Variants in TWF2 observed in about 807,000 individuals in gnomAD.
TWF2 encodes the protein twinfilin actin binding protein 2.
In TWF2, 15 loss-of-function variants were observed where a neutral mutation model predicts 45.1. The ratio of observed to expected loss-of-function variants is 0.33; its 90% CI spans 0.22 to 0.51. The LOEUF is 0.51. Ranked by LOEUF, TWF2 falls within the 20% of genes least tolerant of loss-of-function variation. TWF2 has a pLI of 0.97. For synonymous variants in TWF2, 177 were observed against 195.8 expected, an observed-to-expected ratio of 0.90 and a Z score of 0.80; for missense variants, 423 against 469.1, an observed-to-expected ratio of 0.90 and a Z score of 0.91.
intron 2 of TWF2, among the ~76,000 whole-genome samples, chr3:52,234,749 G>C (rs752644498): frequency 2.6e-4 from 39 of 152,222 alleles, no homozygotes; most frequent in Non-Finnish European, 4.4e-4. Context: ...AGGCCCATCT[G>C]AATATCCATG....
intron 1 of TWF2, among the ~76,000 whole-genome samples, chr3:52,236,232 C>T (rs532605858): frequency 2.5e-4 from 37 of 147,892 alleles, no homozygotes; most frequent in African/African-American, 5.7e-4. Context: ...ACCCGGGAGG[C>T]GGAGGTTACA....
chr3:52,229,212 C>A lies in TWF2; in HGVS notation c.883-11G>T, dbSNP rs1375055257. On this transcript the variant is annotated splice_polypyrimidine_tract_variant and intron_variant, in intron 8 of 8. Coordinates refer to ENST00000305533, the MANE Select transcript of TWF2 (RefSeq NM_007284.4). ...ATCGCCAATCTCAATCTGCATGGGG[C>A]AAGGCAGTGGTCACCCCAATGGGAG... The A allele has an allele frequency of 6.2e-7, 1 of 1,608,910 alleles. No homozygotes were observed. Among genetic ancestry groups the A allele is most frequent in the East Asian group, 2.2e-5 (1 of 44,892 alleles).
chr3:52,238,246 G>C (rs1195086535), intron 1 of TWF2, among the ~76,000 whole-genome samples: 1 of 152,218 alleles, frequency 6.6e-6, no homozygotes, highest in Non-Finnish European at 1.5e-5. Context: ...CAACCAGACT[G>C]AGGCAGACTC....
chr3:52,230,132 C>G (rs1224508365), intron 6 of TWF2, 62 bp from the exon 7 acceptor site: 1 of 1,474,792 alleles, frequency 6.8e-7, no homozygotes, highest in Non-Finnish European at 9.0e-7. Flanking sequence ...GCCCCTCTCC[C>G]CAGGAAGCCC....
chr3:52,231,559 C>G lies in TWF2; in HGVS notation c.283-20G>C, dbSNP rs1336169755. ...CCGCACCTGAAGGGCAAGGGCCAAA[C>G]CGTAAGAGGCCTCTGGGCAGGGCTG... is the stretch of plus-strand genomic sequence containing the variant. On this transcript the variant is annotated intron_variant, in intron 3 of 8. Coordinates refer to ENST00000305533, the MANE Select transcript of TWF2 (RefSeq NM_007284.4). 6 of 1,605,792 alleles carry G rather than the reference C, an allele frequency of 3.7e-6. No homozygotes were observed. The highest frequency in any genetic ancestry group is 1.7e-5 in the Admixed American group (1 of 59,182).
chr3:52,229,682 G>C lies in TWF2; in HGVS notation c.861C>G (p.Phe287Leu), dbSNP rs1447752276. 6.2e-7 allele frequency: 1 copy of C among 1,613,490 alleles called. No homozygotes were observed. The highest frequency in any genetic ancestry group is 1.7e-5 in the Admixed American group (1 of 60,024). Residue 287 changes from phenylalanine (F) to leucine (L), a missense_variant, in exon 8 of 9, where the codon TTC (phenylalanine) becomes TTG (leucine). By Grantham distance (22) the Phe-to-Leu change is conservative. Transcript: ENST00000305533. Reference protein sequence around the residue: ...SRLLDSVEQDFHLEIAKKIEI... With the variant: ...SRLLDSVEQDLHLEIAKKIEI... ...CTACTTTCTTGGCGATCTCCAGATG[G>C]AAGTCCTGCTCCACGGAGTCGAGGA... is the stretch of plus-strand genomic sequence containing the variant.
intron 1 of TWF2, among the ~76,000 whole-genome samples, chr3:52,237,547 GGAGT>G (rs1699738491): frequency 6.6e-6 from 1 of 152,174 alleles, no homozygotes; most frequent in Non-Finnish European, 1.5e-5. Flanking sequence ...GGGAAAGGAG[GGAGT>G]GAGGCAGCAG....
chr3:52,232,138 G>T lies in TWF2; in HGVS notation c.104-16C>A. On this transcript the variant is annotated splice_polypyrimidine_tract_variant and intron_variant, in intron 2 of 8. Coordinates refer to ENST00000305533, the MANE Select transcript of TWF2 (RefSeq NM_007284.4). ...ACGAGCTGCTCTGGGGGCAGAGGCC[G>T]GATGAGCAGCCGCTCCCAGCTCCCA... 6.5e-7 allele frequency: 1 copy of T among 1,529,752 alleles called. No homozygotes were observed. The highest frequency in any genetic ancestry group is 8.8e-7 in the Non-Finnish European group (1 of 1,136,258). 94.8% of individuals were successfully genotyped at this position (1,529,752 alleles called of 1,614,324 possible).
intron 2 of TWF2, 133 bp from the exon 3 acceptor site, chr3:52,232,255 G>A: frequency 8.6e-7 from 1 of 1,167,926 alleles, no homozygotes; most frequent in Non-Finnish European, 1.2e-6. Context: ...GGAGCCCCCA[G>A]GTCCCAGAAG....
rs1699650903 is a variant in TWF2, at chr3:52,228,966, G to A, written c.*68C>T. 2 of 1,556,688 alleles carry A rather than the reference G, an allele frequency of 1.3e-6. No homozygotes were observed. Among genetic ancestry groups the A allele is most frequent in the Non-Finnish European group, 1.7e-6 (2 of 1,149,634 alleles). Reference sequence around the variant, plus strand: ...ACACTTTCCTGGAGCCCAGGAAGGAGGATGGTGGCAGGGAGCGGAAGGTGG... The same window carrying A: ...ACACTTTCCTGGAGCCCAGGAAGGAAGATGGTGGCAGGGAGCGGAAGGTGG... On this transcript the variant is annotated 3_prime_UTR_variant, in exon 9 of 9. Coordinates refer to ENST00000305533, the MANE Select transcript of TWF2 (RefSeq NM_007284.4).
In TWF2 at chr3:52,229,096, C is replaced by G. The variant is rs770850774; in HGVS notation, c.988G>C (p.Gly330Arg). 6.2e-7 allele frequency: 1 copy of G among 1,613,418 alleles called. No individual in the cohort carries two copies. The highest frequency in any genetic ancestry group is 8.5e-7 in the Non-Finnish European group (1 of 1,180,048). ...KQAFAKPKGPGGKRGHKRLIR... is the reference protein window; with the variant it reads ...KQAFAKPKGPRGKRGHKRLIR... ...AGGCGCTTATGGCCCCGCTTGCCCC[C>G]TGGGCCCTTGGGCTTGGCGAAGGCC... is the stretch of plus-strand genomic sequence containing the variant. Residue 330 changes from glycine to arginine, a missense_variant, in exon 9 of 9, where the codon GGG becomes CGG. By Grantham distance (125) the Gly-to-Arg change is moderately radical. Transcript: ENST00000305533.
Position 52,228,909 on chromosome 3 carries a change from G to C in TWF2, c.*125C>G. On this transcript the variant is annotated 3_prime_UTR_variant, in exon 9 of 9. Coordinates refer to ENST00000305533, the MANE Select transcript of TWF2 (RefSeq NM_007284.4). Reference sequence around the variant, plus strand: ...GGTGGCCCTCGGACGCTGCAAGTGCGTTCAGCTGCCAGCCCTCCTGACCTC... The same window carrying C: ...GGTGGCCCTCGGACGCTGCAAGTGCCTTCAGCTGCCAGCCCTCCTGACCTC... 1 of 1,426,186 alleles carries C rather than the reference G, an allele frequency of 7.0e-7. No individual in the cohort carries two copies. Among genetic ancestry groups the C allele is most frequent in the Non-Finnish European group, 9.4e-7 (1 of 1,066,620 alleles). 88.3% of individuals were successfully genotyped at this position (1,426,186 alleles called of 1,614,324 possible). A position where few individuals can be genotyped will look rare whatever the true frequency, so the allele number is the denominator to read the frequency against.
chr3:52,231,946 G>C lies in TWF2; in HGVS notation c.280C>G (p.Pro94Ala). The C allele has an allele frequency of 6.2e-7, 1 of 1,612,348 alleles. No homozygotes were observed. Among genetic ancestry groups the C allele is most frequent in the Non-Finnish European group, 8.5e-7 (1 of 1,178,946 alleles). Reference protein sequence around the residue: ...LFLAWSPDNSPVRLKMLYAAT... With the variant: ...LFLAWSPDNSAVRLKMLYAAT... ...CTTCCCACTGGCCCAGGACTCACGG[G>C]GGAGTTATCAGGCGACCAGGCGAGG... The change falls in exon 3 of 9, where the codon CCC becomes GCC. Residue 94 changes from proline to alanine, a missense_variant and splice_region_variant. Coordinates refer to ENST00000305533, the MANE Select transcript of TWF2 (RefSeq NM_007284.4).
rs972412208 is a variant in TWF2 at position 52,228,884 on chromosome 3, G to A, written c.*150C>T. 12 of 1,188,084 alleles carry A rather than the reference G, an allele frequency of 1.0e-5. No homozygotes were observed. The highest frequency in any genetic ancestry group is 7.9e-5 in the East Asian group (3 of 38,104). 73.6% of individuals were successfully genotyped at this position (1,188,084 alleles called of 1,614,324 possible). On this transcript the variant is annotated 3_prime_UTR_variant, in exon 9 of 9. Transcript: ENST00000305533. ...GGGAAGGGTCACAAAATGCCAGCCC[G>A]GTGGCCCTCGGACGCTGCAAGTGCG...
At position 52,231,139 on chromosome 3, in the gene TWF2, G is replaced by C. The variant is rs1699673508; in HGVS notation, c.471C>G (p.Ile157Met). Residue 157 changes from isoleucine to methionine, a missense_variant, in exon 5 of 9, where the codon ATC (isoleucine) becomes ATG (methionine). Ile to Met is a conservative substitution (Grantham distance 10). Coordinates refer to ENST00000305533, the MANE Select transcript of TWF2 (RefSeq NM_007284.4). ...LTSAERELQQ[I>M]RINEVKTEIS... ...GCTCCCCACCCACCTCGTTAATGCG[G>C]ATCTGCTGGAGCTCTCTCTCAGCCG... is the stretch of plus-strand genomic sequence containing the variant. 1.9e-6 allele frequency: 3 copies of C among 1,614,078 alleles called. No homozygotes were observed. The East Asian group carries it at 6.7e-5, about 36-fold the overall frequency.
intron 3 of TWF2, 78 bp downstream of exon 3, chr3:52,231,866 T>C (rs1193332815): frequency 7.1e-6 from 11 of 1,551,604 alleles, no homozygotes; most frequent in South Asian, 2.5e-5. Flanking sequence ...TGTCCCCTCT[T>C]GGATCCCCCA....
At chr3:52,229,336 C>T in intron 8 of TWF2, 135 bp from the exon 9 acceptor site, 1 of 1,295,868 alleles carries the variant, frequency 7.7e-7, no homozygotes, top group East Asian at 2.5e-5. Context: ...CCCTTGATTC[C>T]CCACCTGGAA....
Position 52,228,914 on chromosome 3 carries a change from G to A in TWF2, c.*120C>T. On this transcript the variant is annotated 3_prime_UTR_variant, in exon 9 of 9. Coordinates refer to ENST00000305533, the MANE Select transcript of TWF2 (RefSeq NM_007284.4). Reference sequence around the variant, plus strand: ...CCCTCGGACGCTGCAAGTGCGTTCAGCTGCCAGCCCTCCTGACCTCCCAGA... The same window carrying A: ...CCCTCGGACGCTGCAAGTGCGTTCAACTGCCAGCCCTCCTGACCTCCCAGA... The A allele has an allele frequency of 1.4e-6, 2 of 1,451,880 alleles. No homozygotes were observed. Among genetic ancestry groups the A allele is most frequent in the Non-Finnish European group, 1.8e-6 (2 of 1,086,978 alleles). The allele number at this position is 1,451,880 out of a possible 1,614,324, so 89.9% of individuals were successfully genotyped here. A position where few individuals can be genotyped will look rare whatever the true frequency, so the allele number is the denominator to read the frequency against.
chr3:52,231,062 A>G, intron 5 of TWF2, 65 bp downstream of exon 5: 1 of 1,610,462 alleles, frequency 6.2e-7, no homozygotes, highest in Non-Finnish European at 8.5e-7. Flanking sequence ...CCCAGGCAGC[A>G]CAGGCTGCCA....
Sources: gnomAD v4.1 joint callset for allele counts (sites outside exome capture counted in the v4.1 genomes callset) on GRCh38, gnomAD v4.1.1 for gene constraint, MANE v1.5 for transcripts, NCBI Gene and HGNC (gene_info 2026-07-23, HGNC 2026-07-21) for gene names.